Variants in HAX1 observed in about 807,000 individuals in gnomAD.
The protein encoded by HAX1 is HCLS1-associated protein X-1.
HAX1 carries 27 observed loss-of-function variants against 31.1 expected under a neutral mutation model. That is an observed-to-expected ratio of 0.87 (90% CI 0.64 to 1.20). HAX1 has a LOEUF of 1.20. HAX1 is among the 50% of genes most tolerant of loss of function. The pLI is 0.00. For synonymous variants in HAX1, 114 were observed against 124.1 expected (o/e 0.92, Z 0.54); for missense variants, 357 against 361.6 (o/e 0.99, Z 0.10).
In HAX1 at chr1:154,272,784, T is replaced by G; in HGVS notation, c.53+8T>G. The G allele has an allele frequency of 6.2e-7, 1 of 1,613,394 alleles. No individual in the cohort carries two copies. Among genetic ancestry groups the G allele is most frequent in the Non-Finnish European group, 8.5e-7 (1 of 1,179,450 alleles). On this transcript the variant is annotated splice_region_variant and intron_variant, in intron 1 of 6. Coordinates refer to ENST00000328703, the MANE Select transcript of HAX1 (RefSeq NM_006118.4). Reference sequence around the variant, plus strand: ...CTTTCCTGGACCTCGGAGGTGAGAGTAGGTCCGGCTCGGACAAGGGTGGGG... The same window carrying G: ...CTTTCCTGGACCTCGGAGGTGAGAGGAGGTCCGGCTCGGACAAGGGTGGGG...
rs767816850 is a variant in HAX1, at chr1:154,275,675, C to G, written c.814C>G (p.Leu272Val). ...TGCCTTTTCCATCCTGGACTTATTCCTGGGACGTTGGTTCCGGTCCCGGTA... is the reference window on the plus strand; with the variant it reads ...TGCCTTTTCCATCCTGGACTTATTCGTGGGACGTTGGTTCCGGTCCCGGTA... ...DDAFSILDLFLGRWFRSR is the reference protein window; with the variant it reads ...DDAFSILDLFVGRWFRSR Residue 272 changes from leucine to valine, a missense_variant, in exon 7 of 7, where the codon CTG (leucine) becomes GTG (valine). Coordinates refer to ENST00000328703, the MANE Select transcript of HAX1 (RefSeq NM_006118.4). The G allele has an allele frequency of 6.2e-7, 1 of 1,613,976 alleles. No individual in the cohort carries two copies. Among genetic ancestry groups the G allele is most frequent in the East Asian group, 2.2e-5 (1 of 44,884 alleles).
intron 1 of HAX1, 163 bp from the exon 2 acceptor site, chr1:154,273,173 A>T (rs1684844502): frequency 1.0e-5 from 7 of 698,622 alleles, no homozygotes; most frequent in South Asian, 9.1e-5. Flanking sequence ...AAAAAAAAAG[A>T]ACTGTCAGCC....
At position 154,273,507 on chromosome 1, in the gene HAX1, C is replaced by T. The variant is rs547500941; in HGVS notation, c.225C>T (p.Phe75=). 9 of 1,614,150 alleles carry T rather than the reference C, an allele frequency of 5.6e-6. No homozygotes were observed. In the South Asian group the frequency reaches 9.9e-5, roughly 18 times the overall value. The part of the protein sequence containing the change: ...FSFSPGGGIR[F]HDNFGFDDLV... ...TCAGCCCAGGAGGAGGGATACGTTT[C>T]CACGATAACTTCGGCTTTGATGACC... The change falls in exon 2 of 7, where the codon TTC becomes TTT. Residue 75 remains phenylalanine, a synonymous_variant. Coordinates refer to ENST00000328703, the MANE Select transcript of HAX1 (RefSeq NM_006118.4).
chr1:154,273,920 C>T lies in HAX1; in HGVS notation c.463C>T (p.Gln155Ter). 6.2e-7 allele frequency: 1 copy of T among 1,614,110 alleles called. No individual in the cohort carries two copies. Among genetic ancestry groups the T allele is most frequent in the South Asian group, 1.1e-5 (1 of 91,074 alleles). ...LESDARSESP[Q>*]PAPDWGSQRP... ...GAGTGATGCAAGAAGTGAATCCCCC[C>T]AACCAGCACCAGACTGGGGCTCCCA... Residue 155 changes from glutamine to a stop codon, truncating the protein, a stop_gained, in exon 3 of 7, where the codon CAA becomes TAA. Transcript: ENST00000328703. LOFTEE classifies it high-confidence loss of function.
At chr1:154,275,361 A>C in intron 5 of HAX1, 32 bp from the exon 6 acceptor site, 2 of 1,600,094 alleles carry the variant, frequency 1.2e-6, no homozygotes, top group African/African-American at 2.7e-5. Context: ...CTTTAGTAAC[A>C]TTCGGAATAT....
chr1:154,273,764 C>A lies in HAX1; in HGVS notation c.317-10C>A. On this transcript the variant is annotated splice_polypyrimidine_tract_variant and intron_variant, in intron 2 of 6. Coordinates refer to ENST00000328703, the MANE Select transcript of HAX1 (RefSeq NM_006118.4). Reference sequence around the variant, plus strand: ...TCCCATCCCAGCAAACACCTGCCACCTTTCTGCAGAACTTCCAGGTCCTGA... The same window carrying A: ...TCCCATCCCAGCAAACACCTGCCACATTTCTGCAGAACTTCCAGGTCCTGA... 6.2e-7 allele frequency: 1 copy of A among 1,614,108 alleles called. No homozygotes were observed.
intron 1 of HAX1, 81 bp from the exon 2 acceptor site, chr1:154,273,255 G>C: frequency 6.3e-7 from 1 of 1,584,038 alleles, no homozygotes; most frequent in South Asian, 1.1e-5. Context: ...CCTTGCTCTT[G>C]TCCCACTTTG....
At chr1:154,273,298 T>C in intron 1 of HAX1, 38 bp from the exon 2 acceptor site, 1 of 1,612,948 alleles carries the variant, frequency 6.2e-7, no homozygotes, top group Non-Finnish European at 8.5e-7. Flanking sequence ...GCTTAAATAG[T>C]GCTGAAATAT....
intron 4 of HAX1, 63 bp from the exon 5 acceptor site, chr1:154,275,091 A>G: frequency 7.0e-7 from 1 of 1,431,344 alleles, no homozygotes; most frequent in Non-Finnish European, 9.9e-7. Flanking sequence ...CTTCCTGTAC[A>G]CTTGTCTCCT....
chr1:154,275,213 T>A lies in HAX1; in HGVS notation c.616T>A (p.Ser206Thr). The A allele has an allele frequency of 6.2e-7, 1 of 1,613,824 alleles. No homozygotes were observed. Among genetic ancestry groups the A allele is most frequent in the Non-Finnish European group, 8.5e-7 (1 of 1,179,768 alleles). ...CCCGGTTCTACAGCCCCAGCCCAAA[T>A]CCTATTTCAAGAGCATCTCTGTGAC... ...LGPVLQPQPKSYFKSISVTKI... is the reference protein window; with the variant it reads ...LGPVLQPQPKTYFKSISVTKI... The change falls in exon 5 of 7, where the codon TCC becomes ACC. Residue 206 changes from serine (S) to threonine (T), a missense_variant. Coordinates refer to ENST00000328703, the MANE Select transcript of HAX1 (RefSeq NM_006118.4).
At chr1:154,274,850 G>A (rs1243601475) in intron 3 of HAX1, 100 bp from the exon 4 acceptor site, 2 of 803,496 alleles carry the variant, frequency 2.5e-6, no homozygotes, top group East Asian at 2.5e-5. Flanking sequence ...TATCTCTTCT[G>A]TGGAAGGGGG....
intron 1 of HAX1, chr1:154,273,095 G>A: frequency 3.5e-6 from 2 of 567,516 alleles, no homozygotes; most frequent in Non-Finnish European, 6.2e-6. Context: ...GCACACTGAA[G>A]AAAAACTGGG....
Position 154,275,775 on chromosome 1 carries a change from C to T in HAX1, c.*74C>T. On this transcript the variant is annotated 3_prime_UTR_variant, in exon 7 of 7. Coordinates refer to ENST00000328703, the MANE Select transcript of HAX1 (RefSeq NM_006118.4). ...TGCCCACCATTAATAAGCTTAGCTT[C>T]TCTTGCCACCTCAGGGGCTTGGATA... 1 of 970,534 alleles carries T rather than the reference C, an allele frequency of 1.0e-6. No homozygotes were observed. The highest frequency in any genetic ancestry group is 1.7e-6 in the Non-Finnish European group (1 of 603,726). The allele number at this position is 970,534 out of a possible 1,614,324, so 60.1% of individuals were successfully genotyped here. A position where few individuals can be genotyped will look rare whatever the true frequency, so the allele number is the denominator to read the frequency against.
rs558198433 is a variant in HAX1 at position 154,272,671 on chromosome 1, C to T, written c.-53C>T. On this transcript the variant is annotated 5_prime_UTR_variant, in exon 1 of 7. Coordinates refer to ENST00000328703, the MANE Select transcript of HAX1 (RefSeq NM_006118.4). ...CTCACAGGGCTGCGCAGGTTTCCCCCGTCTGCGAATGGACCACTGGAGGGG... is the reference window on the plus strand; with the variant it reads ...CTCACAGGGCTGCGCAGGTTTCCCCTGTCTGCGAATGGACCACTGGAGGGG... 2 of 1,576,244 alleles carry T rather than the reference C, an allele frequency of 1.3e-6. No individual in the cohort carries two copies. The highest frequency in any genetic ancestry group is 3.3e-4 in the Middle Eastern group (2 of 5,974).
At position 154,272,630 on chromosome 1, in the gene HAX1, A is replaced by G. The variant is rs1043383655; in HGVS notation, c.-94A>G. 1.3e-5 allele frequency: 16 copies of G among 1,279,450 alleles called. No homozygotes were observed. The highest frequency in any genetic ancestry group is 7.3e-5 in the African/African-American group (5 of 68,882). The allele number at this position is 1,279,450 out of a possible 1,614,324, so 79.3% of individuals were successfully genotyped here. ...GCTTGCTTTCCGGTAGCGTGGGCTG[A>G]CGCCTCGCTCAATTTCTCACAGGGC... On this transcript the variant is annotated 5_prime_UTR_variant, in exon 1 of 7. Coordinates refer to ENST00000328703, the MANE Select transcript of HAX1 (RefSeq NM_006118.4).
rs368495769 is a variant in HAX1, at chr1:154,275,691, G to A, written c.830G>A (p.Arg277Gln). 1.4e-5 allele frequency: 22 copies of A among 1,612,310 alleles called. No homozygotes were observed. Among genetic ancestry groups the A allele is most frequent in the Admixed American group, 1.7e-5 (1 of 59,964 alleles). ...GACTTATTCCTGGGACGTTGGTTCC[G>A]GTCCCGGTAGCCTTGTTAACCCTCA... Reference protein sequence around the residue: ...ILDLFLGRWFRSR With the variant: ...ILDLFLGRWFQSR The change falls in exon 7 of 7, where the codon CGG becomes CAG. Residue 277 changes from arginine (R) to glutamine (Q), a missense_variant. Arg to Gln is a conservative substitution (Grantham distance 43). Coordinates refer to ENST00000328703, the MANE Select transcript of HAX1 (RefSeq NM_006118.4).
Position 154,275,646 on chromosome 1 carries a change from A to G in HAX1, c.785A>G (p.Asp262Gly). The part of the protein sequence containing the change: ...DPESPRPPAL[D>G]DAFSILDLFL... ...GAATCACCAAGACCTCCAGCCCTGG[A>G]TGATGCCTTTTCCATCCTGGACTTA... The change falls in exon 7 of 7, where the codon GAT (aspartate) becomes GGT (glycine). Residue 262 changes from aspartate (D) to glycine (G), a missense_variant. By Grantham distance (94) the Asp-to-Gly change is moderately conservative (BLOSUM62 -1). Coordinates refer to ENST00000328703, the MANE Select transcript of HAX1 (RefSeq NM_006118.4). 6.2e-7 allele frequency: 1 copy of G among 1,613,980 alleles called. No individual in the cohort carries two copies. The highest frequency in any genetic ancestry group is 8.5e-7 in the Non-Finnish European group (1 of 1,179,930).
At chr1:154,273,166 A>AAAAC in intron 1 of HAX1, 170 bp from the exon 2 acceptor site, 1 of 688,022 alleles carries the variant, frequency 1.5e-6, no homozygotes, top group African/African-American at 1.8e-5. Context: ...AAAAAAAAAA[A>AAAAC]AAAAAGAACT....
Position 154,273,760 on chromosome 1 carries a change from C to T in HAX1, c.317-14C>T, listed in dbSNP as rs1273484640. ...CCTTTCCCATCCCAGCAAACACCTG[C>T]CACCTTTCTGCAGAACTTCCAGGTC... On this transcript the variant is annotated splice_polypyrimidine_tract_variant and intron_variant, in intron 2 of 6. Coordinates refer to ENST00000328703, the MANE Select transcript of HAX1 (RefSeq NM_006118.4). The T allele has an allele frequency of 6.2e-7, 1 of 1,613,924 alleles. No individual in the cohort carries two copies. The highest frequency in any genetic ancestry group is 8.5e-7 in the Non-Finnish European group (1 of 1,179,960).
Sources: gnomAD v4.1 joint callset for allele counts on GRCh38, gnomAD v4.1.1 for gene constraint, MANE v1.5 for transcripts, NCBI Gene and HGNC (gene_info 2026-07-23, HGNC 2026-07-21) for gene names.